UNC13C: variants seen among roughly 807,000 people sequenced by gnomAD.
UNC13C encodes the protein protein unc-13 homolog C.
UNC13C carries 174 observed loss-of-function variants against 245.4 expected under a neutral mutation model. The ratio of observed to expected loss-of-function variants is 0.71; its 90% confidence interval spans 0.63 to 0.80. The LOEUF is 0.80. UNC13C is among the 30% of genes least tolerant of loss of function. UNC13C has a pLI of 0.00. For missense variants in UNC13C, 2,829 were observed against 2,602.9 expected (o/e 1.09, Z -1.89); for synonymous variants, 992 against 895.1 (o/e 1.11, Z -1.93).
intron 4 of UNC13C, among the ~76,000 whole-genome samples, chr15:54,167,225 G>A (rs2115830): frequency 0.032 from 4,844 of 152,140 alleles, 266 homozygotes; most frequent in African/African-American, 0.11. Flanking sequence ...AGACGGGGCC[G>A]GGTGCGATGG....
intron 2 of UNC13C, among the ~76,000 whole-genome samples, chr15:54,093,082 A>T (rs1248592728): frequency 6.6e-6 from 1 of 152,000 alleles, no homozygotes; most frequent in Non-Finnish European, 1.5e-5. Flanking sequence ...TTAGGGTCCT[A>T]TCCTTATTTG....
In UNC13C at chr15:54,533,094, T is replaced by C. The variant is rs1019936422; in HGVS notation, c.5696+28T>C. ...AAGTTTTTTTGCCCAGTTTTCTCTT[T>C]ACTTATTGCCCTAAATTTGACCTTT... On this transcript the variant is annotated intron_variant, in intron 26 of 32. Transcript: ENST00000260323. 3.2e-6 allele frequency: 5 copies of C among 1,561,490 alleles called. No individual in the cohort carries two copies. In the African/African-American group the frequency reaches 4.1e-5, roughly 13 times the overall value.
chr15:54,199,722 A>G (rs1057222205), intron 4 of UNC13C, among the ~76,000 whole-genome samples: 6 of 152,082 alleles, frequency 3.9e-5, no homozygotes, highest in African/African-American at 1.4e-4. Context: ...TTCTAAATAA[A>G]CCAAAATAGA....
chr15:54,287,374 C>T (rs368966251), intron 10 of UNC13C, among the ~76,000 whole-genome samples: 54 of 152,260 alleles, frequency 3.5e-4, no homozygotes, highest in African/African-American at 1.2e-3. Flanking sequence ...AGTTCTTAAA[C>T]TTATTTAAAT....
At chr15:54,132,074 C>CTTTTTTTTTCTTTTTCTTTTTTTTTTT (rs6145565) in intron 2 of UNC13C, among the ~76,000 whole-genome samples, 7 of 110,642 alleles carry the variant, frequency 6.3e-5, no homozygotes, top group Admixed American at 2.6e-4. Context: ...TTTTCTTTTT[C>CTTTTTTTTTCTTTTTCTTTTTTTTTTT]TTTTTTTTTT....
chr15:54,541,151 T>C (rs775762893), intron 26 of UNC13C, among the ~76,000 whole-genome samples: 2 of 152,070 alleles, frequency 1.3e-5, no homozygotes, highest in Non-Finnish European at 2.9e-5. Flanking sequence ...TTCACATATT[T>C]TTATATATTG....
intron 18 of UNC13C, among the ~76,000 whole-genome samples, chr15:54,404,653 T>C (rs2040257472): frequency 6.6e-6 from 1 of 152,126 alleles, no homozygotes; most frequent in Admixed American, 6.5e-5. Context: ...TTTAAATATA[T>C]ATGGTACATA....
chr15:53,996,260 G>C (rs1894628443), intron 1 of UNC13C, among the ~76,000 whole-genome samples: 1 of 152,182 alleles, frequency 6.6e-6, no homozygotes, highest in Non-Finnish European at 1.5e-5. Flanking sequence ...TTGTGTGACA[G>C]TGAAGCTTTG....
intron 19 of UNC13C, among the ~76,000 whole-genome samples, chr15:54,433,095 T>A (rs1450106301): frequency 6.7e-6 from 1 of 150,046 alleles, no homozygotes; most frequent in East Asian, 2.0e-4. Context: ...AATTGAGGCA[T>A]ATCCTACCAA....
At chr15:53,841,423 G>A in the UNC13C span, among the ~76,000 whole-genome samples, 1 of 151,830 alleles carries the variant, frequency 6.6e-6, no homozygotes, top group Admixed American at 6.6e-5. Flanking sequence ...AATATATATC[G>A]TGTGGATGAT....
intron 11 of UNC13C, among the ~76,000 whole-genome samples, chr15:54,294,474 G>A (rs984231842): frequency 3.3e-5 from 5 of 151,920 alleles, no homozygotes; most frequent in African/African-American, 1.2e-4. Flanking sequence ...ATTTTGAATT[G>A]CTTTCAAATG....
intron 4 of UNC13C, among the ~76,000 whole-genome samples, chr15:54,225,116 T>C (rs1164384964): frequency 1.3e-5 from 2 of 151,900 alleles, no homozygotes; most frequent in Non-Finnish European, 2.9e-5. Context: ...TTTTGTATTA[T>C]TTGTTGAAGA....
At chr15:54,010,273 C>T (rs187161883) in intron 1 of UNC13C, among the ~76,000 whole-genome samples, 291 of 152,258 alleles carry the variant, frequency 1.9e-3, no homozygotes, top group African/African-American at 6.0e-3. Flanking sequence ...GGCTCCTGCT[C>T]TTCAAGAGTT....
intron 2 of UNC13C, among the ~76,000 whole-genome samples, chr15:54,025,795 A>C (rs1896084532): frequency 6.6e-6 from 1 of 152,204 alleles, no homozygotes. Context: ...TTACATGATG[A>C]TATTACAGGC....
chr15:54,244,705 C>T (rs1405129124), intron 7 of UNC13C, among the ~76,000 whole-genome samples: 5 of 151,914 alleles, frequency 3.3e-5, no homozygotes, highest in South Asian at 2.1e-4. Context: ...TTAGTTGTAT[C>T]GCTAGGTATT....
intron 2 of UNC13C, among the ~76,000 whole-genome samples, chr15:54,026,446 T>C (rs893099695): frequency 6.6e-6 from 1 of 152,216 alleles, no homozygotes; most frequent in African/African-American, 2.4e-5. Flanking sequence ...ACACCTGGCC[T>C]GTAATACAAA....
intron 29 of UNC13C, among the ~76,000 whole-genome samples, chr15:54,557,900 C>T (rs1358245230): frequency 6.6e-6 from 1 of 152,032 alleles, no homozygotes; most frequent in Admixed American, 6.6e-5. Flanking sequence ...GGCACATATA[C>T]ACCATGGAAT....
chr15:54,285,151 G>C (rs925323183), intron 10 of UNC13C, among the ~76,000 whole-genome samples: 3 of 151,682 alleles, frequency 2.0e-5, no homozygotes, highest in African/African-American at 7.3e-5. Flanking sequence ...TTCCTTTCTT[G>C]TTCTTATTTT....
chr15:54,500,079 G>T lies in UNC13C; in HGVS notation c.5061G>T (p.Leu1687Phe). The T allele has an allele frequency of 1.2e-6, 2 of 1,601,032 alleles. No individual in the cohort carries two copies. The highest frequency in any genetic ancestry group is 1.7e-6 in the Non-Finnish European group (2 of 1,175,242). The part of the protein sequence containing the change: ...AFKDAVPEYS[L>F]WFEPFVMQWL... Reference sequence around the variant, plus strand: ...ATGTAACATTATTAATTTGTTATAGGTGGTTTGAACCTTTTGTCATGCAAT... The same window carrying T: ...ATGTAACATTATTAATTTGTTATAGTTGGTTTGAACCTTTTGTCATGCAAT... Residue 1687 changes from leucine (L) to phenylalanine (F), a missense_variant and splice_region_variant, in exon 21 of 33, where the codon TTG becomes TTT. Coordinates refer to ENST00000260323, the MANE Select transcript of UNC13C (RefSeq NM_001080534.3).
Sources: gnomAD v4.1 joint callset for allele counts (sites outside exome capture counted in the v4.1 genomes callset) on GRCh38, gnomAD v4.1.1 for gene constraint, MANE v1.5 for transcripts, NCBI Gene and HGNC (gene_info 2026-07-23, HGNC 2026-07-21) for gene names.